Variants in KIAA1217 observed in about 807,000 individuals in gnomAD.
The protein encoded by KIAA1217 is sickle tail protein homolog.
A neutral mutation model predicts 163.9 loss-of-function variants in KIAA1217; 88 were observed. The observed-to-expected ratio is 0.54, with a 90% CI of 0.45 to 0.64. The LOEUF (loss-of-function observed/expected upper bound fraction) is 0.64. Ranked by LOEUF, KIAA1217 falls within the 30% of genes least tolerant of loss-of-function variation. KIAA1217 has a pLI of 0.00. For missense variants in KIAA1217, 2,372 were observed against 2,475.0 expected (o/e 0.96, Z 0.88); for synonymous variants, 903 against 923.1 (o/e 0.98, Z 0.39).
At chr10:24,092,104 G>A (rs911715582) in intron 2 of KIAA1217, among the ~76,000 whole-genome samples, 1 of 151,460 alleles carries the variant, frequency 6.6e-6, no homozygotes, top group Admixed American at 6.6e-5. Flanking sequence ...CTCTCTGTCT[G>A]CTTCCTCCTT....
Position 24,297,045 on chromosome 10 carries a change from A to C in KIAA1217, c.354+77136A>C, listed in dbSNP as rs186868637. ...TACACTGGGATTTTCAAAATGCAAA[A>C]GAATTTGATATTAAAGGCTTGTTAG... On this transcript the variant is annotated intron_variant, in intron 2 of 20. Transcript: ENST00000376454. Among the ~76,000 whole-genome samples the C allele has an allele frequency of 5.1e-3, 773 of 152,356 alleles. 7 individuals are homozygous for C. The highest frequency in any genetic ancestry group is 0.016 in the South Asian group (77 of 4,828).
chr10:24,030,662 GA>G (rs1320592959), intron 2 of KIAA1217, among the ~76,000 whole-genome samples: 1 of 152,040 alleles, frequency 6.6e-6, no homozygotes, highest in Non-Finnish European at 1.5e-5. Context: ...CATTAAACAC[GA>G]ACTCCTCATT....
rs758462012 is a variant in KIAA1217, at chr10:24,543,544, G to T, written c.4274G>T (p.Arg1425Leu). The part of the protein sequence containing the change: ...NIDARKEMTP[R>L]QEGTDNEDPV... ...GATGCCAGAAAAGAGATGACCCCCC[G>T]ACAAGAAGGGACTGACAATGAGGAT... Residue 1425 changes from arginine to leucine, a missense_variant, in exon 19 of 21, where the codon CGA (arginine) becomes CTA (leucine). Coordinates refer to ENST00000376454, the MANE Select transcript of KIAA1217 (RefSeq NM_019590.5). The T allele has an allele frequency of 6.2e-7, 1 of 1,614,096 alleles. No individual in the cohort carries two copies. Among genetic ancestry groups the T allele is most frequent in the East Asian group, 2.2e-5 (1 of 44,878 alleles).
chr10:24,011,265 C>T (rs907085391), intron 2 of KIAA1217, among the ~76,000 whole-genome samples: 2 of 152,092 alleles, frequency 1.3e-5, no homozygotes, highest in African/African-American at 4.8e-5. Flanking sequence ...GCAGGAGGAT[C>T]TCTTGAGGCC....
intron 2 of KIAA1217, among the ~76,000 whole-genome samples, chr10:24,363,200 C>T (rs574235025): frequency 2.0e-4 from 31 of 152,282 alleles, no homozygotes; most frequent in African/African-American, 6.5e-4. Flanking sequence ...AAGTACTGTA[C>T]GTGTGTCATT....
chr10:23,763,365 C>T (rs1346091630), intron 1 of KIAA1217, among the ~76,000 whole-genome samples: 1 of 152,194 alleles, frequency 6.6e-6, no homozygotes, highest in Non-Finnish European at 1.5e-5. Context: ...TCAAACTATA[C>T]TACAAGGCTA....
At position 23,907,235 on chromosome 10, in the gene KIAA1217, AT is replaced by A. The variant is rs757776670; in HGVS notation, c.-320-99982del. Among the ~76,000 whole-genome samples, 292 of 150,926 alleles carry A rather than the reference AT, an allele frequency of 1.9e-3. 1 individual carries two copies. Among genetic ancestry groups the A allele is most frequent in the Middle Eastern group, 6.8e-3 (2 of 292 alleles). On this transcript the variant is annotated intron_variant, in intron 1 of 18. Transcript: ENST00000376462. ...TACCTCTTTCCTTCTTTTCTTCAACATTTTTTTTGAGGGCTGTATTAGTCAG... is the reference window on the plus strand; with the variant it reads ...TACCTCTTTCCTTCTTTTCTTCAACATTTTTTTGAGGGCTGTATTAGTCAG...
chr10:24,086,209 C>A (rs2131669815), intron 2 of KIAA1217, among the ~76,000 whole-genome samples: 1 of 152,272 alleles, frequency 6.6e-6, no homozygotes, highest in South Asian at 2.1e-4. Flanking sequence ...GTGGAAGTGA[C>A]TCTGAAAAGG....
intron 2 of KIAA1217, among the ~76,000 whole-genome samples, chr10:24,361,855 G>T (rs557552965): frequency 6.6e-6 from 1 of 151,796 alleles, no homozygotes; most frequent in East Asian, 2.0e-4. Context: ...GGCGCCTGTA[G>T]TCCCAGCTAC....
At chr10:24,114,210 G>A (rs1056772746) in intron 2 of KIAA1217, among the ~76,000 whole-genome samples, 4 of 152,118 alleles carry the variant, frequency 2.6e-5, no homozygotes, top group Admixed American at 6.6e-5. Flanking sequence ...CAGGCTCTGC[G>A]GTGAAGGAAA....
intron 4 of KIAA1217, among the ~76,000 whole-genome samples, chr10:24,434,223 G>A (rs1341495980): frequency 6.6e-6 from 1 of 151,754 alleles, no homozygotes; most frequent in Non-Finnish European, 1.5e-5. Flanking sequence ...ATTTTTAGTA[G>A]GTACGGGGTT....
chr10:24,407,545 A>T (rs7911930), intron 3 of KIAA1217, among the ~76,000 whole-genome samples: 23,416 of 152,014 alleles, frequency 0.15, 3,817 homozygotes, highest in African/African-American at 0.41. Flanking sequence ...GCCTCAAGTG[A>T]TCCCCCCACC....
intron 8 of KIAA1217, among the ~76,000 whole-genome samples, chr10:24,500,265 T>C (rs1470961263): frequency 1.3e-5 from 2 of 148,432 alleles, no homozygotes; most frequent in African/African-American, 2.5e-5. Context: ...AGAGTGTGTG[T>C]GCGTGTGTGT....
intron 2 of KIAA1217, among the ~76,000 whole-genome samples, chr10:24,103,482 A>G (rs764886390): frequency 1.2e-4 from 18 of 152,222 alleles, no homozygotes; most frequent in Non-Finnish European, 2.4e-4. Context: ...CTGGGAGAAT[A>G]TATTTGGAAA....
intron 2 of KIAA1217, among the ~76,000 whole-genome samples, chr10:24,058,399 T>C (rs2060602330): frequency 1.3e-5 from 2 of 152,196 alleles, no homozygotes; most frequent in Non-Finnish European, 2.9e-5. Context: ...TCCATGTGAA[T>C]TATAGAGTTG....
chr10:23,956,868 T>C (rs940452870), intron 1 of KIAA1217, among the ~76,000 whole-genome samples: 1 of 152,128 alleles, frequency 6.6e-6, no homozygotes, highest in African/African-American at 2.4e-5. Flanking sequence ...AAAACATTCA[T>C]GAAGGATCCA....
chr10:24,240,010 G>C (rs1590149181), intron 2 of KIAA1217, among the ~76,000 whole-genome samples: 1 of 152,148 alleles, frequency 6.6e-6, no homozygotes, highest in Non-Finnish European at 1.5e-5. Flanking sequence ...GGAAGGTGGG[G>C]TGTGGGTGAT....
intron 3 of KIAA1217, among the ~76,000 whole-genome samples, chr10:24,400,834 A>G (rs1167778318): frequency 1.3e-5 from 2 of 152,116 alleles, no homozygotes; most frequent in Non-Finnish European, 2.9e-5. Flanking sequence ...GAATTCTGGA[A>G]GATAAGGCTA....
At chr10:24,530,256 T>G (rs1564873831) in intron 14 of KIAA1217, among the ~76,000 whole-genome samples, 1 of 152,220 alleles carries the variant, frequency 6.6e-6, no homozygotes, top group Non-Finnish European at 1.5e-5. Flanking sequence ...TGGCTCTTGA[T>G]TCTATCTGAT....
Sources: allele counts gnomAD v4.1 joint callset (sites outside exome capture counted in the v4.1 genomes callset), GRCh38; gene constraint gnomAD v4.1.1; transcripts MANE v1.5; gene names NCBI Gene and HGNC (gene_info 2026-07-23, HGNC 2026-07-21).